The following PFKFB3 variants were observed in gnomAD, a reference collection of about 807,000 sequenced individuals.
PFKFB3 encodes the protein 6-phosphofructo-2-kinase/fructose-2,6-biphosphatase 3.
Under a neutral mutation model 68.0 loss-of-function variants are expected in PFKFB3, and 33 were observed. That is an observed-to-expected ratio of 0.49 (90% confidence interval 0.37 to 0.65). PFKFB3 has a LOEUF of 0.65. Ranked by LOEUF, PFKFB3 falls within the 30% of genes least tolerant of loss-of-function variation. PFKFB3 has a pLI of 0.00. For missense variants in PFKFB3, 586 were observed against 712.2 expected, an observed-to-expected ratio of 0.82 and a Z score of 2.02; for synonymous variants, 315 against 288.2, an observed-to-expected ratio of 1.09 and a Z score of -0.94.
chr10:6,297,223 G>T, the PFKFB3 span, among the ~76,000 whole-genome samples: 1 of 152,170 alleles, frequency 6.6e-6, no homozygotes, highest in African/African-American at 2.4e-5. Context: ...AGGGTCCCCC[G>T]GCCCCTGCTA....
chr10:6,324,965 T>C, the PFKFB3 span, among the ~76,000 whole-genome samples: 1 of 151,952 alleles, frequency 6.6e-6, no homozygotes, highest in African/African-American at 2.4e-5. Context: ...AGTGTTGGCA[T>C]ATAATTTTTT....
intron 14 of PFKFB3, among the ~76,000 whole-genome samples, chr10:6,241,235 A>C (rs11812788): frequency 0.023 from 3,485 of 152,168 alleles, 147 homozygotes; most frequent in African/African-American, 0.08. Context: ...GGTTTGTCTC[A>C]TGTTTTCTCA....
At chr10:6,245,531 C>T (rs1379591227) in intron 14 of PFKFB3, among the ~76,000 whole-genome samples, 1 of 152,088 alleles carries the variant, frequency 6.6e-6, no homozygotes, top group East Asian at 1.9e-4. Context: ...ATCCTCCGTC[C>T]TCAGCCTCCC....
chr10:6,166,198 C>T (rs1479614605), intron 1 of PFKFB3, among the ~76,000 whole-genome samples: 1 of 151,984 alleles, frequency 6.6e-6, no homozygotes, highest in Non-Finnish European at 1.5e-5. Flanking sequence ...GCCAGGCTGG[C>T]CTCGAACACC....
Position 6,177,415 on chromosome 10 carries a change from C to CTTT in PFKFB3, c.16+32403_16+32404insTTT, listed in dbSNP as rs1311907121. Among the ~76,000 whole-genome samples, 187 of 39,386 alleles carry CTTT rather than the reference C, an allele frequency of 4.7e-3. 1 individual carries two copies. The highest frequency in any genetic ancestry group is 0.011 in the East Asian group (17 of 1,492). 25.8% of individuals were successfully genotyped at this position (39,386 alleles called of 152,430 possible). On this transcript the variant is annotated intron_variant, in intron 1 of 14. Transcript: ENST00000379789. The stretch of plus-strand genomic sequence containing the variant: ...TTCTTTCTTTCTTTCTTTCTTCTTT[C>CTTT]TCTTTCTTCCTTTCTTTTCTTTCTC...
At chr10:6,261,005 C>T in the PFKFB3 span, among the ~76,000 whole-genome samples, 1 of 152,210 alleles carries the variant, frequency 6.6e-6, no homozygotes, top group Non-Finnish European at 1.5e-5. Flanking sequence ...TATCTTCCCA[C>T]CTGTAGTGGA....
chr10:6,260,039 T>C, the PFKFB3 span, among the ~76,000 whole-genome samples: 1 of 152,070 alleles, frequency 6.6e-6, no homozygotes, highest in East Asian at 1.9e-4. Context: ...AAGTACAACA[T>C]ACATGAAAAA....
At chr10:6,247,066 G>T (rs1035258400) in intron 14 of PFKFB3, among the ~76,000 whole-genome samples, 1 of 152,146 alleles carries the variant, frequency 6.6e-6, no homozygotes, top group Non-Finnish European at 1.5e-5. Context: ...TAAACCAAGG[G>T]CAACATTGGC....
intron 1 of PFKFB3, among the ~76,000 whole-genome samples, chr10:6,212,011 G>A (rs1186595058): frequency 6.6e-6 from 1 of 152,228 alleles, no homozygotes; most frequent in African/African-American, 2.4e-5. Context: ...CTGAGGGGTG[G>A]TGGCTCCCGC....
At chr10:6,185,022 G>A (rs1175666291) in intron 1 of PFKFB3, among the ~76,000 whole-genome samples, 6 of 152,146 alleles carry the variant, frequency 3.9e-5, no homozygotes, top group Non-Finnish European at 7.3e-5. Flanking sequence ...TATTTAACAA[G>A]TTAGCCTGGA....
Position 6,183,034 on chromosome 10 carries a change from C to CA in PFKFB3, c.17-30588dup, listed in dbSNP as rs151257051. Among the ~76,000 whole-genome samples, 511 of 152,350 alleles carry CA rather than the reference C, an allele frequency of 3.4e-3. 1 individual carries two copies. Among genetic ancestry groups the CA allele is most frequent in the African/African-American group, 0.011 (473 of 41,584 alleles). On this transcript the variant is annotated intron_variant, in intron 1 of 14. Coordinates refer to the PFKFB3 transcript ENST00000379789. ...ACACAGTGCACAGCCACAGCCCATA[C>CA]ACGCCCCAGCCCCAAACCTAGGAGA...
the PFKFB3 span, among the ~76,000 whole-genome samples, chr10:6,307,005 A>G: frequency 6.6e-6 from 1 of 152,156 alleles, no homozygotes; most frequent in Non-Finnish European, 1.5e-5. Context: ...ACTTTGAGTA[A>G]AGCAGGCCAC....
the PFKFB3 span, among the ~76,000 whole-genome samples, chr10:6,264,793 A>G: frequency 1.3e-5 from 2 of 152,132 alleles, no homozygotes; most frequent in Non-Finnish European, 2.9e-5. Context: ...ATCTGAGAGT[A>G]GATTGCATAA....
At chr10:6,305,929 GT>G in the PFKFB3 span, among the ~76,000 whole-genome samples, 2 of 152,176 alleles carry the variant, frequency 1.3e-5, no homozygotes, top group African/African-American at 2.4e-5. Flanking sequence ...CTAAGGGCAG[GT>G]TTTTTTCCCC....
At chr10:6,309,964 G>T in the PFKFB3 span, among the ~76,000 whole-genome samples, 1 of 152,196 alleles carries the variant, frequency 6.6e-6, no homozygotes, top group East Asian at 1.9e-4. Flanking sequence ...CACTTGAATA[G>T]ATGTAAGCTA....
At chr10:6,153,502 G>A (rs1304048595) in intron 1 of PFKFB3, among the ~76,000 whole-genome samples, 1 of 152,168 alleles carries the variant, frequency 6.6e-6, no homozygotes. Context: ...TTGGTGAGCA[G>A]GTGAACGCTG....
chr10:6,153,026 A>G (rs1353781736), intron 1 of PFKFB3, among the ~76,000 whole-genome samples: 2 of 151,858 alleles, frequency 1.3e-5, no homozygotes, highest in Non-Finnish European at 2.9e-5. Context: ...CTAAAAATAC[A>G]AAAAAATTAG....
At chr10:6,153,888 C>A (rs528570999) in intron 1 of PFKFB3, among the ~76,000 whole-genome samples, 1 of 151,458 alleles carries the variant, frequency 6.6e-6, no homozygotes, top group Non-Finnish European at 1.5e-5. Flanking sequence ...AGTCAGGGAC[C>A]GGGAGGGAGG....
At chr10:6,145,033 G>A in intron 1 of PFKFB3, 1 of 1,329,672 alleles carries the variant, frequency 7.5e-7, no homozygotes, top group Non-Finnish European at 9.6e-7. Context: ...CCGGTGACGC[G>A]GCCCACGCCC....
Sources: allele counts gnomAD v4.1 joint callset (sites outside exome capture counted in the v4.1 genomes callset), GRCh38; gene constraint gnomAD v4.1.1; transcripts MANE v1.5; gene names NCBI Gene and HGNC (gene_info 2026-07-23, HGNC 2026-07-21).